The following MLXIPL variants were observed in gnomAD, a reference collection of about 807,000 sequenced individuals.
MLXIPL encodes the protein MLX interacting protein like.
In MLXIPL, 49 loss-of-function variants were observed where a neutral mutation model predicts 81.5. The ratio of observed to expected loss-of-function variants is 0.60; its 90% CI spans 0.48 to 0.76. MLXIPL has a LOEUF of 0.76. Ranked by LOEUF, MLXIPL falls within the 30% of genes least tolerant of loss-of-function variation. MLXIPL has a pLI of 0.00. For missense variants in MLXIPL, 1,053 were observed against 1,167.0 expected, an observed-to-expected ratio of 0.90 and a Z score of 1.42; for synonymous variants, 466 against 485.5, an observed-to-expected ratio of 0.96 and a Z score of 0.53.
chr7:73,640,549 T>C, the MLXIPL span, among the ~76,000 whole-genome samples: 3 of 150,566 alleles, frequency 2.0e-5, no homozygotes, highest in Non-Finnish European at 1.5e-5. Flanking sequence ...GGCTGAGGCA[T>C]GTGGATCACT....
chr7:73,605,713 G>A lies in MLXIPL; in HGVS notation c.876C>T (p.Ser292=). Residue 292 remains serine (S), a synonymous_variant, in exon 7 of 17, where the codon AGC becomes AGT. Transcript: ENST00000313375. ...IQPDLTPLQP[S]LDDFMDISDF... Reference sequence around the variant, plus strand: ...CTGAGATGTCCATGAAGTCATCCAGGCTTGGCTGCAGTGGCGTCAGGTCCG... The same window carrying A: ...CTGAGATGTCCATGAAGTCATCCAGACTTGGCTGCAGTGGCGTCAGGTCCG... 3 of 1,613,762 alleles carry A rather than the reference G, an allele frequency of 1.9e-6. No homozygotes were observed. The highest frequency in any genetic ancestry group is 2.5e-6 in the Non-Finnish European group (3 of 1,179,902).
At chr7:73,637,347 C>T in the MLXIPL span, among the ~76,000 whole-genome samples, 20 of 150,862 alleles carry the variant, frequency 1.3e-4, no homozygotes, top group Non-Finnish European at 3.0e-4. Flanking sequence ...TGGTGGCACA[C>T]GCTTGTAATC....
chr7:73,597,768 C>A (rs1794472178), intron 8 of MLXIPL, 55 bp from the exon 9 acceptor site: 46 of 1,276,444 alleles, frequency 3.6e-5, no homozygotes, highest in Non-Finnish European at 4.5e-5. Context: ...CTGCCCCTGG[C>A]AGCCATCTGG....
In MLXIPL at chr7:73,623,338, A is replaced by G. The variant is rs1796506229; in HGVS notation, c.293+862T>C. On this transcript the variant is annotated intron_variant, in intron 1 of 16. Coordinates refer to ENST00000313375, the MANE Select transcript of MLXIPL (RefSeq NM_032951.3). This position sits in a 1 kb window ranked among gnomAD's most constrained non-coding sequence, Gnocchi z 5.7. ...CTCCCCTACGGGTTTTCGGTTGATA[A>G]TTTATACTGGCCCCTCAACTCCGGG... Among the ~76,000 whole-genome samples the G allele has an allele frequency of 6.6e-6, 1 of 152,176 alleles. No homozygotes were observed. Among genetic ancestry groups the G allele is most frequent in the African/African-American group, 2.4e-5 (1 of 41,436 alleles).
Position 73,595,838 on chromosome 7 carries a change from C to T in MLXIPL, c.2186+4G>A. ...GTCCCAGCACCCGCCTGGACCCTGC[C>T]TACTTAATGGCGGCATTGAGCTCCT... On this transcript the variant is annotated splice_donor_region_variant and intron_variant, in intron 14 of 16. Transcript: ENST00000313375. The T allele has an allele frequency of 6.2e-7, 1 of 1,602,928 alleles. No homozygotes were observed. The highest frequency in any genetic ancestry group is 8.5e-7 in the Non-Finnish European group (1 of 1,174,914).
Position 73,596,091 on chromosome 7 carries a change from T to C in MLXIPL, c.2058+62A>G. ...CACTCCCCTGCAATTGAGTTTTGGG[T>C]GGGGGGGGTCCAGAAAGGGGCCCTG... is the stretch of plus-strand genomic sequence containing the variant. On this transcript the variant is annotated intron_variant, in intron 13 of 16. Transcript: ENST00000313375. The surrounding 1 kb of genome is among the most constrained non-coding windows in gnomAD (Gnocchi z 4.7). 6.3e-7 allele frequency: 1 copy of C among 1,590,864 alleles called. No individual in the cohort carries two copies. The highest frequency in any genetic ancestry group is 1.1e-5 in the South Asian group (1 of 90,024).
intron 2 of MLXIPL, among the ~76,000 whole-genome samples, chr7:73,613,457 G>C (rs1225412039): frequency 2.6e-5 from 4 of 152,014 alleles, no homozygotes; most frequent in Non-Finnish European, 5.9e-5. Flanking sequence ...AAATTAGCCA[G>C]GCATGGTGGC....
intron 7 of MLXIPL, 103 bp from the exon 8 acceptor site, chr7:73,599,798 ATGG>A: frequency 8.5e-7 from 1 of 1,180,160 alleles, no homozygotes; most frequent in Non-Finnish European, 1.2e-6. Flanking sequence ...GGGTGGGGAC[ATGG>A]GGACTGGCGG....
intron 5 of MLXIPL, 119 bp from the exon 6 acceptor site, chr7:73,606,230 G>A (rs782330946): frequency 2.9e-5 from 31 of 1,068,744 alleles, no homozygotes; most frequent in Non-Finnish European, 4.3e-5. Context: ...TCACACCTCT[G>A]TCACCTTTCC....
At chr7:73,635,247 G>GA in the MLXIPL span, among the ~76,000 whole-genome samples, 1 of 150,492 alleles carries the variant, frequency 6.6e-6, no homozygotes, top group African/African-American at 2.4e-5. Context: ...GGTCTCAACT[G>GA]AAAATCATTG....
At chr7:73,639,876 G>A in the MLXIPL span, among the ~76,000 whole-genome samples, 1 of 151,230 alleles carries the variant, frequency 6.6e-6, no homozygotes, top group Admixed American at 6.6e-5. Flanking sequence ...GGCTAACACG[G>A]TGAAACCCCG....
chr7:73,608,106 C>T (rs532266824), intron 2 of MLXIPL, among the ~76,000 whole-genome samples: 1 of 151,758 alleles, frequency 6.6e-6, no homozygotes, highest in Non-Finnish European at 1.5e-5. Flanking sequence ...ATCCACCTGC[C>T]TCGGGCTTCC....
chr7:73,595,476 T>C (rs547399861), intron 15 of MLXIPL, among the ~76,000 whole-genome samples, 161 bp downstream of exon 15: 2 of 152,220 alleles, frequency 1.3e-5, no homozygotes, highest in Non-Finnish European at 1.5e-5. Context: ...CTGGCCAAGA[T>C]GGCCAGGGCA....
chr7:73,597,049 C>G, intron 9 of MLXIPL, 117 bp from the exon 10 acceptor site: 1 of 1,455,178 alleles, frequency 6.9e-7, no homozygotes, highest in Non-Finnish European at 9.4e-7. Flanking sequence ...CCCCACATCC[C>G]TCATTCCTTG....
intron 7 of MLXIPL, among the ~76,000 whole-genome samples, chr7:73,602,098 T>TACTG (rs1794883942): frequency 1.9e-5 from 2 of 104,126 alleles, no homozygotes; most frequent in South Asian, 7.0e-4. Context: ...CTGCCTGCCT[T>TACTG]CCTGCCTGCC....
At chr7:73,607,137 C>G in intron 4 of MLXIPL, 119 bp from the exon 5 acceptor site, 2 of 1,406,046 alleles carry the variant, frequency 1.4e-6, no homozygotes, top group East Asian at 2.5e-5. Context: ...GGAGCTCACC[C>G]GACCCCTAGG....
the MLXIPL span, among the ~76,000 whole-genome samples, chr7:73,634,366 A>T: frequency 6.6e-6 from 1 of 152,192 alleles, no homozygotes; most frequent in East Asian, 1.9e-4. Context: ...ATCTCATCTC[A>T]AAAATAAATA....
In MLXIPL at chr7:73,622,504, A is replaced by T. The variant is rs1274421609; in HGVS notation, c.293+1696T>A. Among the ~76,000 whole-genome samples, 53 of 145,132 alleles carry T rather than the reference A, an allele frequency of 3.7e-4. No individual in the cohort carries two copies. In the South Asian group the frequency reaches 4.6e-3, roughly 13 times the overall value. The stretch of plus-strand genomic sequence containing the variant: ...AACTCTGTCTCAAAAAAAAAAAAAA[A>T]TTTTTTTTTTTTTGGTAGAGACAGG... On this transcript the variant is annotated intron_variant, in intron 1 of 16. Coordinates refer to ENST00000313375, the MANE Select transcript of MLXIPL (RefSeq NM_032951.3).
intron 2 of MLXIPL, 114 bp from the exon 3 acceptor site, chr7:73,607,786 G>A: frequency 1.2e-6 from 1 of 812,338 alleles, no homozygotes; most frequent in Non-Finnish European, 2.0e-6. Flanking sequence ...TTGACGTTCA[G>A]ATTAAGTGCC....
Sources: gnomAD v4.1 joint callset for allele counts (sites outside exome capture counted in the v4.1 genomes callset) on GRCh38, gnomAD v4.1.1 for gene constraint, Gnocchi (gnomAD v3.1) non-coding constraint, MANE v1.5 for transcripts, NCBI Gene and HGNC (gene_info 2026-07-23, HGNC 2026-07-21) for gene names.